The following ATIC variants were observed in gnomAD, a reference collection of about 807,000 sequenced individuals.
ATIC encodes the protein bifunctional purine biosynthesis protein ATIC.
ATIC carries 64 observed loss-of-function variants against 72.5 expected under a neutral mutation model. That is an observed-to-expected ratio of 0.88 (90% CI 0.72 to 1.09). The LOEUF is 1.09. Among genes scored for constraint, ATIC ranks in the 50% least tolerant of loss-of-function variants. The pLI is 0.00. For synonymous variants in ATIC, 281 were observed against 267.1 expected (o/e 1.05, Z -0.51); for missense variants, 787 against 732.4 (o/e 1.07, Z -0.86).
the ATIC span, chr2:215,360,996 A>G: frequency 1.9e-5 from 3 of 157,178 alleles, no homozygotes; most frequent in East Asian, 5.6e-4. Context: ...AAGTGTTTTC[A>G]ATACAATTTT....
At chr2:215,341,098 A>G (rs953413925) in intron 12 of ATIC, among the ~76,000 whole-genome samples, 13 of 152,220 alleles carry the variant, frequency 8.5e-5, no homozygotes, top group African/African-American at 3.1e-4. Context: ...CTTTATCCAG[A>G]GAGTTCTGTC....
chr2:215,344,202 T>G (rs1383622725), intron 12 of ATIC, among the ~76,000 whole-genome samples: 1 of 152,222 alleles, frequency 6.6e-6, no homozygotes, highest in Non-Finnish European at 1.5e-5. Flanking sequence ...TCATGTGATA[T>G]AAAAAGGCTT....
At chr2:215,338,969 A>T in intron 12 of ATIC, 62 bp downstream of exon 12, 3 of 1,599,656 alleles carry the variant, frequency 1.9e-6, no homozygotes, top group Non-Finnish European at 2.6e-6. Context: ...TTCAATACTT[A>T]ATGAGCTTTA....
the ATIC span, chr2:215,361,270 A>T: frequency 2.6e-6 from 1 of 383,626 alleles, no homozygotes; most frequent in Admixed American, 4.0e-5. Context: ...TTTCCTATTG[A>T]TCCCAAACCA....
chr2:215,339,680 G>C (rs1202251955), intron 12 of ATIC, among the ~76,000 whole-genome samples: 2 of 151,874 alleles, frequency 1.3e-5, no homozygotes, highest in Non-Finnish European at 1.5e-5. Flanking sequence ...TGTCACCCAG[G>C]CTGGAGTGCA....
chr2:215,358,835 T>C, the ATIC span, among the ~76,000 whole-genome samples: 1 of 152,270 alleles, frequency 6.6e-6, no homozygotes, highest in Non-Finnish European at 1.5e-5. Context: ...AGGGGCTTGC[T>C]ATCCATTTAG....
At chr2:215,368,053 A>T in the ATIC span, 1 of 1,612,704 alleles carries the variant, frequency 6.2e-7, no homozygotes, top group South Asian at 1.1e-5. Context: ...AGAAAAAGCA[A>T]AAAGAGACAT....
At chr2:215,315,888 G>A (rs1001172745) in intron 2 of ATIC, among the ~76,000 whole-genome samples, 4 of 151,922 alleles carry the variant, frequency 2.6e-5, no homozygotes, top group Non-Finnish European at 5.9e-5. Flanking sequence ...CCAGGAGGTG[G>A]AGGTTGCAGT....
intron 14 of ATIC, 78 bp downstream of exon 14, chr2:215,347,019 T>C: frequency 6.7e-7 from 1 of 1,502,130 alleles, no homozygotes; most frequent in South Asian, 1.2e-5. Flanking sequence ...TTTAACTTCA[T>C]CACCACACAG....
intron 10 of ATIC, 77 bp from the exon 11 acceptor site, chr2:215,335,958 G>A (rs2052949150): frequency 5.2e-6 from 6 of 1,149,758 alleles, no homozygotes; most frequent in Non-Finnish European, 7.7e-6. Context: ...ATTTAAGACT[G>A]ATAATTGCTG....
intron 1 of ATIC, 156 bp from the exon 2 acceptor site, chr2:215,312,342 G>A: frequency 2.0e-6 from 3 of 1,508,002 alleles, no homozygotes; most frequent in Admixed American, 3.5e-5. Context: ...CAGCTCGCGG[G>A]TGTAAGACCT....
chr2:215,338,418 A>T (rs2052980368), intron 11 of ATIC, among the ~76,000 whole-genome samples: 1 of 152,154 alleles, frequency 6.6e-6, no homozygotes, highest in Admixed American at 6.5e-5. Flanking sequence ...TGACCTTCCA[A>T]AAGAACCATA....
intron 4 of ATIC, among the ~76,000 whole-genome samples, chr2:215,321,264 C>G (rs779965561): frequency 6.6e-6 from 1 of 152,126 alleles, no homozygotes; most frequent in East Asian, 1.9e-4. Context: ...GCTTCTTTCA[C>G]TTAGCATGTT....
At chr2:215,325,647 C>CT (rs1464475873) in intron 5 of ATIC, among the ~76,000 whole-genome samples, 5 of 152,164 alleles carry the variant, frequency 3.3e-5, no homozygotes, top group African/African-American at 1.2e-4. Context: ...ACTGCAACCT[C>CT]TGCCTCCTGG....
chr2:215,354,030 CTT>C (rs201168218), downstream of ATIC, among the ~76,000 whole-genome samples: 1 of 150,752 alleles, frequency 6.6e-6, no homozygotes, highest in African/African-American at 2.4e-5. Flanking sequence ...TGTCAGGAAA[CTT>C]TTTTTTTGAG....
intron 5 of ATIC, among the ~76,000 whole-genome samples, 165 bp downstream of exon 5, chr2:215,325,494 A>G (rs1050244445): frequency 6.6e-5 from 10 of 151,966 alleles, no homozygotes; most frequent in Admixed American, 6.6e-4. Context: ...TTTTTCATTT[A>G]TATTTTCTAA....
intron 6 of ATIC, 142 bp from the exon 7 acceptor site, chr2:215,326,680 C>T: frequency 1.0e-6 from 1 of 978,022 alleles, no homozygotes; most frequent in Non-Finnish European, 1.6e-6. Flanking sequence ...GCTTTGCTGT[C>T]ATTCATGGTG....
At chr2:215,312,210 C>A (rs1157620717) in intron 1 of ATIC, 49 bp downstream of exon 1, 18 of 1,478,934 alleles carry the variant, frequency 1.2e-5, no homozygotes, top group Admixed American at 2.4e-5. Flanking sequence ...CTGCGGCCCC[C>A]CACGCTCCCG....
downstream of ATIC, among the ~76,000 whole-genome samples, chr2:215,350,979 G>A (rs1425770986): frequency 6.6e-6 from 1 of 152,158 alleles, no homozygotes; most frequent in Non-Finnish European, 1.5e-5. Flanking sequence ...TCCAGCCCTG[G>A]CCTAGGACCT....
Sources: allele counts gnomAD v4.1 joint callset (sites outside exome capture counted in the v4.1 genomes callset), GRCh38; gene constraint gnomAD v4.1.1; transcripts MANE v1.5; gene names NCBI Gene and HGNC (gene_info 2026-07-23, HGNC 2026-07-21).